The following LOC400499 variants were observed in gnomAD, a reference collection of about 807,000 sequenced individuals.
At chr16:11,503,685 G>A in the LOC400499 span, among the ~76,000 whole-genome samples, 4 of 152,164 alleles carry the variant, frequency 2.6e-5, no homozygotes, top group Admixed American at 6.5e-5. Flanking sequence ...CTGGTCACTC[G>A]GCCCACCTGC....
chr16:11,461,515 C>T, the LOC400499 span, among the ~76,000 whole-genome samples: 1 of 152,154 alleles, frequency 6.6e-6, no homozygotes, highest in Admixed American at 6.5e-5. Context: ...GACACTGTGC[C>T]TGGCCCAAAA....
the LOC400499 span, among the ~76,000 whole-genome samples, chr16:11,434,972 T>C: frequency 6.6e-6 from 1 of 152,162 alleles, no homozygotes; most frequent in Non-Finnish European, 1.5e-5. Context: ...CCTTTTTACA[T>C]GATTATTATT....
At chr16:11,425,064 C>A in the LOC400499 span, 1 of 398,668 alleles carries the variant, frequency 2.5e-6, no homozygotes, top group South Asian at 1.3e-4. Context: ...ATCCCCCCTC[C>A]CTTGGCTCCA....
chr16:11,486,073 TGGATGTATGGATGGATGGAC>T, the LOC400499 span, among the ~76,000 whole-genome samples: 6 of 150,308 alleles, frequency 4.0e-5, no homozygotes, highest in African/African-American at 1.2e-4. Flanking sequence ...TATGGATGGA[TGGATGTATGGATGGATGGAC>T]GGATAGATGG....
the LOC400499 span, among the ~76,000 whole-genome samples, chr16:11,502,585 G>T: frequency 1.3e-5 from 2 of 151,586 alleles, no homozygotes; most frequent in African/African-American, 2.4e-5. Context: ...ATTTAGCGAG[G>T]TGGCAATCTT....
chr16:11,482,436 T>C, the LOC400499 span, among the ~76,000 whole-genome samples: 1 of 152,330 alleles, frequency 6.6e-6, no homozygotes, highest in East Asian at 1.9e-4. Flanking sequence ...GGCAAAAATT[T>C]CTGAGATGTA....
the LOC400499 span, among the ~76,000 whole-genome samples, chr16:11,463,826 C>T: frequency 5.3e-5 from 8 of 151,808 alleles, no homozygotes; most frequent in South Asian, 2.1e-4. Context: ...TGTGTATGGA[C>T]GTGTGTTTAT....
At chr16:11,393,138 G>A in the LOC400499 span, among the ~76,000 whole-genome samples, 1 of 144,900 alleles carries the variant, frequency 6.9e-6, no homozygotes, top group Non-Finnish European at 1.5e-5. Context: ...ACAGGTGTGA[G>A]CCACCACGCC....
the LOC400499 span, among the ~76,000 whole-genome samples, chr16:11,459,442 C>T: frequency 8.6e-5 from 13 of 152,032 alleles, no homozygotes; most frequent in South Asian, 6.2e-4. Context: ...GTGATCCGCC[C>T]GCCTCGGCCT....
the LOC400499 span, among the ~76,000 whole-genome samples, chr16:11,463,175 C>T: frequency 3.9e-5 from 6 of 152,184 alleles, no homozygotes; most frequent in South Asian, 4.1e-4. Flanking sequence ...TCCACGGCCC[C>T]GCAAAGAAGA....
the LOC400499 span, among the ~76,000 whole-genome samples, chr16:11,427,587 G>C: frequency 8.6e-5 from 13 of 151,836 alleles, no homozygotes; most frequent in Non-Finnish European, 1.5e-4. Flanking sequence ...GGGACTGTAG[G>C]CATGCACCAC....
chr16:11,521,695 C>T, the LOC400499 span, among the ~76,000 whole-genome samples: 1 of 152,302 alleles, frequency 6.6e-6, no homozygotes, highest in East Asian at 1.9e-4. Flanking sequence ...ACTCCACGAA[C>T]TCCCCCAACC....
At chr16:11,384,061 C>T in the LOC400499 span, 51 of 1,231,576 alleles carry the variant, frequency 4.1e-5, no homozygotes, top group East Asian at 9.5e-5. Flanking sequence ...GTGGCTCCCC[C>T]GCGTACACTG....
the LOC400499 span, among the ~76,000 whole-genome samples, chr16:11,485,487 TG>T: frequency 6.6e-6 from 1 of 151,980 alleles, no homozygotes; most frequent in Admixed American, 6.6e-5. Context: ...CTCCCCTGGA[TG>T]GGGGGGAGGG....
the LOC400499 span, among the ~76,000 whole-genome samples, chr16:11,464,591 C>T: frequency 6.6e-6 from 1 of 152,174 alleles, no homozygotes; most frequent in Non-Finnish European, 1.5e-5. Context: ...TGAACATAAG[C>T]TCTGGGACTT....
the LOC400499 span, among the ~76,000 whole-genome samples, chr16:11,436,890 G>T: frequency 1.3e-5 from 2 of 151,974 alleles, no homozygotes; most frequent in Non-Finnish European, 2.9e-5. Context: ...TACCATGCCT[G>T]GCCTGGAAAG....
chr16:11,464,132 ATATGGACGTGTGTATGATGTGTATGTG>A, the LOC400499 span, among the ~76,000 whole-genome samples: 1 of 149,404 alleles, frequency 6.7e-6, no homozygotes, highest in Non-Finnish European at 1.5e-5. Flanking sequence ...GTGTATGTAA[ATATGGACGTGTGTATGATGTGTATGTG>A]TATGGACATG....
chr16:11,444,946 T>A, the LOC400499 span, among the ~76,000 whole-genome samples: 1 of 151,324 alleles, frequency 6.6e-6, no homozygotes, highest in Non-Finnish European at 1.5e-5. Context: ...AATAACCAGG[T>A]GTGGTGGTAA....
the LOC400499 span, among the ~76,000 whole-genome samples, chr16:11,397,654 T>C: frequency 2.6e-5 from 4 of 151,932 alleles, no homozygotes; most frequent in East Asian, 1.9e-4. Context: ...AGTGGTAAAG[T>C]TGGTTGTTGG....
Sources: allele counts gnomAD v4.1 joint callset (sites outside exome capture counted in the v4.1 genomes callset), GRCh38; gene constraint gnomAD v4.1.1; transcripts MANE v1.5.